Variants in DLG2 observed in about 807,000 individuals in gnomAD.
The protein encoded by DLG2 is discs large MAGUK scaffold protein 2.
A neutral mutation model predicts 132.5 loss-of-function variants in DLG2; 45 were observed. The observed-to-expected ratio is 0.34, with a 90% CI of 0.27 to 0.44. The LOEUF (loss-of-function observed/expected upper bound fraction) is 0.44, where lower values mean the gene tolerates loss of function less well. Among genes scored for constraint, DLG2 ranks in the 20% least tolerant of loss-of-function variants. DLG2 has a pLI of 1.00. For missense variants in DLG2, 1,045 were observed against 1,196.9 expected, an observed-to-expected ratio of 0.87 and a Z score of 1.87; for synonymous variants, 424 against 419.6, an observed-to-expected ratio of 1.01 and a Z score of -0.13.
chr11:84,744,279 T>C (rs1050820385), intron 6 of DLG2, among the ~76,000 whole-genome samples: 2 of 152,194 alleles, frequency 1.3e-5, no homozygotes, highest in African/African-American at 2.4e-5. Flanking sequence ...ATAATTTCTA[T>C]ACATAGAAAT....
intron 11 of DLG2, among the ~76,000 whole-genome samples, chr11:84,043,203 A>C (rs1180286583): frequency 6.6e-6 from 1 of 151,540 alleles, no homozygotes; most frequent in East Asian, 1.9e-4. Flanking sequence ...AAATTAAATA[A>C]ATAAATTTAA....
chr11:85,323,497 G>A (rs529269050), intron 3 of DLG2, among the ~76,000 whole-genome samples: 3 of 152,276 alleles, frequency 2.0e-5, no homozygotes, highest in East Asian at 3.9e-4. Context: ...ATTTCTTTGT[G>A]TTGGGAACAT....
At chr11:84,624,096 T>C (rs533361849) in intron 6 of DLG2, among the ~76,000 whole-genome samples, 3 of 152,342 alleles carry the variant, frequency 2.0e-5, no homozygotes, top group Middle Eastern at 3.4e-3. Flanking sequence ...CATCCATGTG[T>C]TGGATTCTTC....
intron 6 of DLG2, among the ~76,000 whole-genome samples, chr11:84,577,723 A>AGAAAAATCCATTTTTTGAG (rs1412683938): frequency 6.6e-6 from 1 of 152,234 alleles, no homozygotes; most frequent in African/African-American, 2.4e-5. Context: ...ACAGTAGAAA[A>AGAAAAATCCATTTTTTGAG]GAAAAATCCA....
At chr11:84,335,984 C>G (rs2098482819) in intron 7 of DLG2, among the ~76,000 whole-genome samples, 1 of 152,144 alleles carries the variant, frequency 6.6e-6, no homozygotes, top group South Asian at 2.1e-4. Flanking sequence ...CAATATAATT[C>G]AACATAAATT....
At chr11:85,199,265 A>ATCAT (rs1311050813) in intron 4 of DLG2, among the ~76,000 whole-genome samples, 1 of 152,186 alleles carries the variant, frequency 6.6e-6, no homozygotes, top group Non-Finnish European at 1.5e-5. Flanking sequence ...GAACCTCAAA[A>ATCAT]TCATTATATT....
intron 6 of DLG2, among the ~76,000 whole-genome samples, chr11:85,051,939 T>C (rs913756196): frequency 1.1e-4 from 16 of 152,170 alleles, no homozygotes; most frequent in African/African-American, 3.9e-4. Flanking sequence ...GTAGTAGCTT[T>C]TGTGCTGTAG....
At chr11:84,053,134 A>G (rs995673393) in intron 11 of DLG2, among the ~76,000 whole-genome samples, 2 of 152,080 alleles carry the variant, frequency 1.3e-5, no homozygotes, top group Non-Finnish European at 2.9e-5. Flanking sequence ...TGGAATTGGA[A>G]GCCATTATCA....
chr11:83,997,349 A>G (rs1353806852), intron 11 of DLG2, among the ~76,000 whole-genome samples: 1 of 152,108 alleles, frequency 6.6e-6, no homozygotes, highest in Non-Finnish European at 1.5e-5. Context: ...AGGTCCAACA[A>G]TGCACAGCAC....
intron 7 of DLG2, among the ~76,000 whole-genome samples, chr11:84,430,449 A>AG (rs2154472767): frequency 8.8e-6 from 1 of 113,058 alleles, no homozygotes; most frequent in Admixed American, 7.4e-5. Context: ...AAAAAAAAAA[A>AG]GAAAAGAAAA....
intron 11 of DLG2, among the ~76,000 whole-genome samples, chr11:84,021,426 C>T (rs728973): frequency 5.9e-5 from 9 of 152,088 alleles, no homozygotes; most frequent in Non-Finnish European, 7.4e-5. Flanking sequence ...CTATTCTTGA[C>T]GAAAGAGCTG....
At chr11:84,634,911 G>A (rs2099638067) in intron 6 of DLG2, among the ~76,000 whole-genome samples, 1 of 152,086 alleles carries the variant, frequency 6.6e-6, no homozygotes, top group South Asian at 2.1e-4. Context: ...GGGAAATACC[G>A]GACATCCTCA....
chr11:84,231,243 C>T (rs1311037317), intron 8 of DLG2, among the ~76,000 whole-genome samples: 1 of 152,192 alleles, frequency 6.6e-6, no homozygotes, highest in East Asian at 1.9e-4. Context: ...AAGGGAGCCT[C>T]AAGCTATGAT....
At chr11:83,543,083 G>C (rs1476965564) in intron 19 of DLG2, among the ~76,000 whole-genome samples, 5 of 152,128 alleles carry the variant, frequency 3.3e-5, no homozygotes, top group Admixed American at 6.6e-5. Flanking sequence ...ACAGCATCTA[G>C]AGCTCTCAAA....
chr11:85,126,211 C>T (rs2075093403), intron 5 of DLG2, among the ~76,000 whole-genome samples: 2 of 152,102 alleles, frequency 1.3e-5, no homozygotes, highest in Admixed American at 1.3e-4. Context: ...TGGTCTCGTC[C>T]ATGTATTTTC....
chr11:84,114,839 T>TC (rs1047146545), intron 9 of DLG2, among the ~76,000 whole-genome samples: 2 of 151,538 alleles, frequency 1.3e-5, no homozygotes, highest in African/African-American at 4.8e-5. Flanking sequence ...TTTTTTTTTT[T>TC]TTTCATTTTT....
chr11:84,905,003 G>A (rs1047939943), intron 6 of DLG2, among the ~76,000 whole-genome samples: 3 of 152,092 alleles, frequency 2.0e-5, no homozygotes, highest in Non-Finnish European at 4.4e-5. Flanking sequence ...AGCCTCCCAA[G>A]TAGCTTGGAT....
At chr11:84,508,506 C>T (rs1201045339) in intron 7 of DLG2, among the ~76,000 whole-genome samples, 1 of 151,226 alleles carries the variant, frequency 6.6e-6, no homozygotes, top group East Asian at 1.9e-4. Context: ...GGGTTCAAGC[C>T]ATTCTCCTGC....
At chr11:83,562,129 C>T (rs747463433) in intron 19 of DLG2, among the ~76,000 whole-genome samples, 12 of 151,872 alleles carry the variant, frequency 7.9e-5, no homozygotes, top group Non-Finnish European at 1.3e-4. Flanking sequence ...CCTCGTGATC[C>T]GCCTGCCTCA....
Sources: gnomAD v4.1 joint callset for allele counts (sites outside exome capture counted in the v4.1 genomes callset) on GRCh38, gnomAD v4.1.1 for gene constraint, MANE v1.5 for transcripts, NCBI Gene and HGNC (gene_info 2026-07-23, HGNC 2026-07-21) for gene names.